Variants in SMG1 observed in about 807,000 individuals in gnomAD.
SMG1 encodes the protein serine/threonine-protein kinase SMG1.
SMG1 carries 22 observed loss-of-function variants against 419.9 expected under a neutral mutation model. The observed-to-expected ratio is 0.05, with a 90% CI of 0.04 to 0.07. The LOEUF (loss-of-function observed/expected upper bound fraction) is 0.07. Ranked by LOEUF, SMG1 falls within the 10% of genes least tolerant of loss-of-function variation. The pLI, the probability that SMG1 is intolerant of heterozygous loss-of-function variation, is 1.00. For missense variants in SMG1, 3,185 were observed against 4,342.0 expected, an observed-to-expected ratio of 0.73 and a Z score of 7.49; for synonymous variants, 1,538 against 1,553.5, an observed-to-expected ratio of 0.99 and a Z score of 0.23.
At chr16:18,856,933 G>A (rs1301141037) in intron 29 of SMG1, 5 of 150,962 alleles carry the variant, frequency 3.3e-5, no homozygotes, top group Admixed American at 6.6e-5. Context: ...TATATGACAC[G>A]CTCTGTGCTA....
At position 18,872,436 on chromosome 16, in the gene SMG1, T is replaced by C. The variant is rs1008673925; in HGVS notation, c.2021+58A>G. On this transcript the variant is annotated intron_variant, in intron 14 of 62. Coordinates refer to ENST00000446231, the MANE Select transcript of SMG1 (RefSeq NM_015092.5). ...AATCAACATACATCTTTAAAATCTA[T>C]CCATTAAAAAAAAAAATGTTTTGTG... 4.0e-6 allele frequency: 6 copies of C among 1,482,006 alleles called. No homozygotes were observed. In the African/African-American group the frequency reaches 6.0e-5, roughly 15 times the overall value. 91.8% of individuals were successfully genotyped at this position (1,482,006 alleles called of 1,614,324 possible).
intron 60 of SMG1, among the ~76,000 whole-genome samples, chr16:18,812,512 T>C (rs2606555): frequency 0.49 from 74,604 of 151,412 alleles, 18,767 homozygotes; most frequent in Middle Eastern, 0.59. Flanking sequence ...GGTAATATGA[T>C]ATTTTGGGTA....
At position 18,815,224 on chromosome 16, in the gene SMG1, T is replaced by C. The variant is rs1316033838; in HGVS notation, c.10572A>G (p.Glu3524=). Residue 3524 remains glutamate, a synonymous_variant, in exon 60 of 63, where the codon GAA becomes GAG. Coordinates refer to ENST00000446231, the MANE Select transcript of SMG1 (RefSeq NM_015092.5). ...ASPLVTDATN[E]CSSPTSSATY... is the part of the protein sequence containing the mutation. ...TAGCAGATGACGTTGGACTCGAACA[T>C]TCATTTGTTGCATCGGTGACTAAGG... The C allele has an allele frequency of 4.4e-6, 7 of 1,596,844 alleles. No individual in the cohort carries two copies. The highest frequency in any genetic ancestry group is 6.0e-6 in the Non-Finnish European group (7 of 1,171,180).
chr16:18,868,015 A>C (rs1052705595), intron 22 of SMG1, among the ~76,000 whole-genome samples, 175 bp downstream of exon 22: 9 of 152,092 alleles, frequency 5.9e-5, no homozygotes, highest in Admixed American at 6.6e-5. Flanking sequence ...GCCTATTTTA[A>C]CTTCTAACAC....
At chr16:18,904,470 TA>T (rs2037478960) in intron 1 of SMG1, among the ~76,000 whole-genome samples, 1 of 150,256 alleles carries the variant, frequency 6.7e-6, no homozygotes, top group Non-Finnish European at 1.5e-5. Flanking sequence ...CCGTCTCTAC[TA>T]AAATAGAAAA....
chr16:18,920,894 T>G (rs376620210), intron 1 of SMG1, among the ~76,000 whole-genome samples: 1 of 151,880 alleles, frequency 6.6e-6, no homozygotes, highest in Admixed American at 6.6e-5. Context: ...TCCCAGCACT[T>G]TGGGAGGCCG....
intron 13 of SMG1, among the ~76,000 whole-genome samples, chr16:18,874,331 G>C (rs560430618): frequency 4.0e-5 from 6 of 151,730 alleles, no homozygotes; most frequent in Middle Eastern, 3.4e-3. Flanking sequence ...TAGAGGCGAG[G>C]TTTCACCATG....
At position 18,864,078 on chromosome 16, in the gene SMG1, G is replaced by A; in HGVS notation, c.3417C>T (p.Ile1139=). The A allele has an allele frequency of 6.5e-7, 1 of 1,549,576 alleles. No homozygotes were observed. The highest frequency in any genetic ancestry group is 1.2e-5 in the South Asian group (1 of 83,952). ...LCAMTGVDCC[I]SSFDKSVLTL... ...TGAGCACCGATTTGTCAAAGCTGGAGATGCAGCAATCAACACCTGTCATGG... is the reference window on the plus strand; with the variant it reads ...TGAGCACCGATTTGTCAAAGCTGGAAATGCAGCAATCAACACCTGTCATGG... The change falls in exon 24 of 63, where the codon ATC becomes ATT. Residue 1139 remains isoleucine (I), a synonymous_variant. Coordinates refer to ENST00000446231, the MANE Select transcript of SMG1 (RefSeq NM_015092.5).
At chr16:18,864,755 G>C (rs1020967855) in intron 23 of SMG1, among the ~76,000 whole-genome samples, 4 of 152,098 alleles carry the variant, frequency 2.6e-5, no homozygotes, top group Admixed American at 1.3e-4. Context: ...GGGATTTCAG[G>C]CGTGAACCAC....
At position 18,836,098 on chromosome 16, in the gene SMG1, C is replaced by A; in HGVS notation, c.7892G>T (p.Arg2631Leu). The A allele has an allele frequency of 6.2e-7, 1 of 1,608,846 alleles. No individual in the cohort carries two copies. Among genetic ancestry groups the A allele is most frequent in the Non-Finnish European group, 8.5e-7 (1 of 1,177,622 alleles). Residue 2631 changes from arginine (R) to leucine (L), a missense_variant, in exon 48 of 63, where the codon CGC becomes CTC. By Grantham distance (102) the Arg-to-Leu change is moderately radical (BLOSUM62 -2). This residue lies in a region of SMG1 where 412 missense variants were observed against 546.6 expected (regional missense o/e 0.75). Coordinates refer to ENST00000446231, the MANE Select transcript of SMG1 (RefSeq NM_015092.5). ...GEVGALLQQR[R>L]SVLRGCLEQL... ...CTCCAGACAGCCACGGAGCACGGAG[C>A]GCCTCTGCTGCAGGAGAGCACCAAC...
intron 41 of SMG1, among the ~76,000 whole-genome samples, chr16:18,840,367 T>C (rs554142024): frequency 1.1e-4 from 17 of 152,362 alleles, no homozygotes; most frequent in African/African-American, 3.8e-4. Context: ...AGAATTTAGA[T>C]AGCCCTTCTC....
chr16:18,918,336 C>G (rs1326768447), intron 1 of SMG1, among the ~76,000 whole-genome samples: 1 of 152,140 alleles, frequency 6.6e-6, no homozygotes, highest in East Asian at 1.9e-4. Flanking sequence ...ATAGGGTTCC[C>G]AACCCAGTGC....
Position 18,850,000 on chromosome 16 carries a change from G to A in SMG1, c.5410C>T (p.Arg1804Trp), listed in dbSNP as rs748979014. The A allele has an allele frequency of 5.6e-6, 9 of 1,613,824 alleles. No individual in the cohort carries two copies. The South Asian group carries it at 7.7e-5, about 14-fold the overall frequency. Residue 1804 changes from arginine (R) to tryptophan (W), a missense_variant, in exon 35 of 63, where the codon CGG becomes TGG. Arg to Trp is a moderately radical substitution (Grantham distance 101). Coordinates refer to ENST00000446231, the MANE Select transcript of SMG1 (RefSeq NM_015092.5). Reference sequence around the variant, plus strand: ...TCCAAGCCGTGCTCCAGATACTGCCGAAGCTCACCAGCATGCTTCACGAGC... The same window carrying A: ...TCCAAGCCGTGCTCCAGATACTGCCAAAGCTCACCAGCATGCTTCACGAGC... ...RLLVKHAGELRQYLEHGLETT... is the reference protein window; with the variant it reads ...RLLVKHAGELWQYLEHGLETT...
chr16:18,889,071 GC>G (rs200166925), intron 6 of SMG1, among the ~76,000 whole-genome samples: 13,474 of 150,746 alleles, frequency 0.089, 742 homozygotes, highest in African/African-American at 0.16. Flanking sequence ...TTATCCGCCT[GC>G]CTCGGCCTCC....
At position 18,926,386 on chromosome 16, in the gene SMG1, C is replaced by T. The variant is rs932445943; in HGVS notation, c.-345G>A. 1 of 270,624 alleles carries T rather than the reference C, an allele frequency of 3.7e-6. No individual in the cohort carries two copies. Among genetic ancestry groups the T allele is most frequent in the Non-Finnish European group, 7.0e-6 (1 of 143,502 alleles). The allele number at this position is 270,624 out of a possible 1,614,324, so 16.8% of individuals were successfully genotyped here. On this transcript the variant is annotated 5_prime_UTR_variant, in exon 1 of 63. Coordinates refer to ENST00000446231, the MANE Select transcript of SMG1 (RefSeq NM_015092.5). ...GACGAGGAGCAGGCGGTGGCGGCAG[C>T]TCCTCACGCTCACACGGCCACTGCT...
intron 1 of SMG1, chr16:18,911,807 C>T (rs915079576): frequency 1.3e-5 from 2 of 151,996 alleles, no homozygotes; most frequent in African/African-American, 2.4e-5. Flanking sequence ...TCTAGCTAGG[C>T]ACGGGGGCTC....
At chr16:18,876,763 T>A (rs1487381156) in intron 12 of SMG1, among the ~76,000 whole-genome samples, 3 of 152,012 alleles carry the variant, frequency 2.0e-5, no homozygotes, top group Admixed American at 1.3e-4. Flanking sequence ...GTGGTGGATT[T>A]GACTAGGGGG....
chr16:18,911,918 T>C (rs1361199608), intron 1 of SMG1, among the ~76,000 whole-genome samples: 1 of 151,844 alleles, frequency 6.6e-6, no homozygotes, highest in Non-Finnish European at 1.5e-5. Context: ...CCGTCTCTAC[T>C]AAAAATACAA....
rs2034367896 is a variant in SMG1 at position 18,848,042 on chromosome 16, A to G, written c.5624-9T>C. 6.2e-7 allele frequency: 1 copy of G among 1,600,986 alleles called. No individual in the cohort carries two copies. Among genetic ancestry groups the G allele is most frequent in the African/African-American group, 1.3e-5 (1 of 74,796 alleles). On this transcript the variant is annotated splice_polypyrimidine_tract_variant and intron_variant, in intron 36 of 62. Coordinates refer to ENST00000446231, the MANE Select transcript of SMG1 (RefSeq NM_015092.5). ...AGTGGAAAATTTATTTCCTGTAATG[A>G]AATAGGAGAACAAGGAATATTTTGA...
Sources: gnomAD v4.1 joint callset for allele counts (sites outside exome capture counted in the v4.1 genomes callset) on GRCh38, gnomAD v4.1.1 for gene constraint, gnomAD v4.1.1 regional missense constraint, MANE v1.5 for transcripts, NCBI Gene and HGNC (gene_info 2026-07-23, HGNC 2026-07-21) for gene names.